The following RPN2 variants were observed in gnomAD, a reference collection of about 807,000 sequenced individuals.
RPN2 encodes the protein ribophorin II.
In RPN2, 29 loss-of-function variants were observed where a neutral mutation model predicts 71.4. The observed-to-expected ratio is 0.41, with a 90% CI of 0.30 to 0.55. The LOEUF is 0.55. RPN2 is among the 20% of genes least tolerant of loss of function. The pLI, the probability that RPN2 is intolerant of heterozygous loss-of-function variation, is 0.35. For missense variants in RPN2, 726 were observed against 774.1 expected, an observed-to-expected ratio of 0.94 and a Z score of 0.74; for synonymous variants, 308 against 305.0, an observed-to-expected ratio of 1.01 and a Z score of -0.10.
chr20:37,206,717 AT>A (rs1038663376), intron 6 of RPN2, among the ~76,000 whole-genome samples: 1 of 151,104 alleles, frequency 6.6e-6, no homozygotes, highest in Non-Finnish European at 1.5e-5. Context: ...CATTATTATG[AT>A]TTTTTTTTCA....
chr20:37,181,969 T>C (rs6031886), intron 1 of RPN2, among the ~76,000 whole-genome samples: 64,085 of 152,068 alleles, frequency 0.42, 15,016 homozygotes, highest in African/African-American at 0.61. Context: ...GGTGGGAGTT[T>C]TGTTTCTTTT....
intron 8 of RPN2, among the ~76,000 whole-genome samples, chr20:37,212,506 A>C (rs2067698771): frequency 6.7e-6 from 1 of 149,326 alleles, no homozygotes; most frequent in South Asian, 2.1e-4. Context: ...TTTTTGAGAC[A>C]GTTTCGCTCT....
At chr20:37,233,354 TTG>T (rs1166970906) in intron 14 of RPN2, among the ~76,000 whole-genome samples, 2 of 152,296 alleles carry the variant, frequency 1.3e-5, no homozygotes, top group South Asian at 4.1e-4. Context: ...TTTTAGCCAA[TTG>T]TGTTTTTCTC....
intron 2 of RPN2, among the ~76,000 whole-genome samples, chr20:37,198,063 G>T (rs570559025): frequency 1.3e-4 from 20 of 152,202 alleles, no homozygotes; most frequent in Non-Finnish European, 4.4e-5. Flanking sequence ...TGGGGATAGT[G>T]ATAATCTCTA....
intron 16 of RPN2, among the ~76,000 whole-genome samples, chr20:37,239,741 A>G (rs560846962): frequency 6.6e-6 from 1 of 152,250 alleles, no homozygotes; most frequent in East Asian, 1.9e-4. Flanking sequence ...GCCACTCTCC[A>G]GAGAGCTCCC....
chr20:37,229,489 C>G (rs943383949), intron 12 of RPN2, among the ~76,000 whole-genome samples: 3 of 152,080 alleles, frequency 2.0e-5, no homozygotes, highest in African/African-American at 7.2e-5. Flanking sequence ...GGCCAAATTG[C>G]AGGCTTTGAA....
Position 37,187,501 on chromosome 20 carries a change from C to CAAAAAA in RPN2, c.207+3142_207+3147dup, listed in dbSNP as rs532495023. ...TGGGCGACAGAGCGAGACTCCGTCT[C>CAAAAAA]AAAAAAAAAAAAAAAAAAAGATCAA... is the stretch of plus-strand genomic sequence containing the variant. On this transcript the variant is annotated intron_variant, in intron 2 of 16. Transcript: ENST00000237530. Among the ~76,000 whole-genome samples the CAAAAAA allele has an allele frequency of 5.7e-4, 5 of 8,732 alleles. 1 individual carries two copies. Among genetic ancestry groups the CAAAAAA allele is most frequent in the African/African-American group, 3.7e-3 (5 of 1,338 alleles). 5.7% of individuals were successfully genotyped at this position (8,732 alleles called of 152,430 possible).
intron 2 of RPN2, among the ~76,000 whole-genome samples, chr20:37,189,321 GTA>G (rs1426450772): frequency 0.14 from 3,967 of 28,728 alleles, 138 homozygotes; most frequent in African/African-American, 0.23. Context: ...CTGTGTGTGT[GTA>G]TGTGTGTGTG....
chr20:37,184,357 A>G lies in RPN2; in HGVS notation c.191A>G (p.Gln64Arg). ...GTGGGACTCAGCAGCCTTGGTGCTC[A>G]GGTGCCAGATGCAAAGGTAAGGCTG... ...SIVGLSSLGA[Q>R]VPDAKKACTY... The change falls in exon 2 of 17, where the codon CAG becomes CGG. Residue 64 changes from glutamine to arginine, a missense_variant. Coordinates refer to ENST00000237530, the MANE Select transcript of RPN2 (RefSeq NM_002951.5). 1 of 1,614,176 alleles carries G rather than the reference A, an allele frequency of 6.2e-7. No individual in the cohort carries two copies.
intron 6 of RPN2, 93 bp from the exon 7 acceptor site, chr20:37,207,180 C>G: frequency 9.7e-7 from 1 of 1,026,940 alleles, no homozygotes; most frequent in Non-Finnish European, 1.5e-6. Flanking sequence ...TGTGAACACC[C>G]GAAACAGATA....
intron 6 of RPN2, 97 bp from the exon 7 acceptor site, chr20:37,207,176 C>A: frequency 1.0e-6 from 1 of 955,366 alleles, no homozygotes; most frequent in Non-Finnish European, 1.7e-6. Context: ...CCCATGTGAA[C>A]ACCCGAAACA....
intron 7 of RPN2, among the ~76,000 whole-genome samples, chr20:37,208,609 G>C (rs73291787): frequency 6.6e-6 from 1 of 152,254 alleles, no homozygotes; most frequent in African/African-American, 2.4e-5. Context: ...GGTCCTTGAT[G>C]GGATATCTTT....
intron 2 of RPN2, among the ~76,000 whole-genome samples, chr20:37,189,311 C>CTGTG (rs748314418): frequency 1.2e-4 from 14 of 115,184 alleles, no homozygotes; most frequent in African/African-American, 4.1e-4. Context: ...ATGGGCCAAA[C>CTGTG]TGTGTGTGTG....
In RPN2 at chr20:37,232,254, G is replaced by A. The variant is rs111822578; in HGVS notation, c.1582-42G>A. ...CGGTATACATGGCTGCCCCTACTGG[G>A]AAGGGCACATTCTTAAGTCTTCTTG... On this transcript the variant is annotated intron_variant, in intron 13 of 16. Coordinates refer to ENST00000237530, the MANE Select transcript of RPN2 (RefSeq NM_002951.5). 48,990 of 1,609,170 alleles carry A rather than the reference G, an allele frequency of 0.03. 858 individuals carry two copies. The highest frequency in any genetic ancestry group is 0.037 in the Non-Finnish European group (43,759 of 1,175,576).
chr20:37,238,347 T>A, intron 16 of RPN2: 3 of 1,380,910 alleles, frequency 2.2e-6, no homozygotes, highest in Non-Finnish European at 3.1e-6. Context: ...TTTCCTCAGC[T>A]GATTTCTCCC....
intron 10 of RPN2, among the ~76,000 whole-genome samples, chr20:37,225,294 T>C (rs1380451242): frequency 6.6e-6 from 1 of 152,226 alleles, no homozygotes; most frequent in Non-Finnish European, 1.5e-5. Context: ...TCACGTGTGC[T>C]GCTGGCATCA....
Position 37,210,182 on chromosome 20 carries a change from T to A in RPN2, c.986+17T>A, listed in dbSNP as rs368786437. On this transcript the variant is annotated intron_variant, in intron 8 of 16. Transcript: ENST00000237530. The stretch of plus-strand genomic sequence containing the variant: ...CCCTGTAGGGTAAGTCCTGATCATA[T>A]TTTGGTGGGGCGCTGACCTCTTTGT... 2.4e-4 allele frequency: 391 copies of A among 1,613,388 alleles called. No individual in the cohort carries two copies. The highest frequency in any genetic ancestry group is 3.2e-4 in the Non-Finnish European group (373 of 1,179,940).
At chr20:37,204,727 G>C (rs1568975814) in intron 5 of RPN2, 40 bp from the exon 6 acceptor site, 12 of 1,613,702 alleles carry the variant, frequency 7.4e-6, no homozygotes, top group Non-Finnish European at 1.0e-5. Context: ...CATTTCTGCT[G>C]TTACTTGACA....
chr20:37,239,180 C>G (rs1003531812), intron 16 of RPN2, among the ~76,000 whole-genome samples: 1 of 152,220 alleles, frequency 6.6e-6, no homozygotes, highest in African/African-American at 2.4e-5. Context: ...GTATTTTAGG[C>G]TTAACTGGCC....
Sources: allele counts gnomAD v4.1 joint callset (sites outside exome capture counted in the v4.1 genomes callset), GRCh38; gene constraint gnomAD v4.1.1; transcripts MANE v1.5; gene names NCBI Gene and HGNC (gene_info 2026-07-23, HGNC 2026-07-21).